The following SORCS2 variants were observed in gnomAD, a reference collection of about 807,000 sequenced individuals.
The protein encoded by SORCS2 is VPS10 domain-containing receptor SorCS2.
SORCS2 carries 100 observed loss-of-function variants against 141.6 expected under a neutral mutation model. The ratio of observed to expected loss-of-function variants is 0.71; its 90% CI spans 0.60 to 0.83. The LOEUF (loss-of-function observed/expected upper bound fraction) is 0.83. Among genes scored for constraint, SORCS2 ranks in the 40% least tolerant of loss-of-function variants. The pLI is 0.00. For missense variants in SORCS2, 1,646 were observed against 1,560.2 expected (o/e 1.05, Z -0.93); for synonymous variants, 789 against 676.9 (o/e 1.17, Z -2.57).
chr4:7,627,705 C>G (rs1719605750), intron 3 of SORCS2, among the ~76,000 whole-genome samples: 1 of 152,152 alleles, frequency 6.6e-6, no homozygotes, highest in South Asian at 2.1e-4. Flanking sequence ...AGTCTTAAGA[C>G]CTTGGGCAGG....
intron 8 of SORCS2, among the ~76,000 whole-genome samples, 182 bp from the exon 9 acceptor site, chr4:7,675,868 G>A (rs974011518): frequency 1.3e-5 from 2 of 152,182 alleles, no homozygotes; most frequent in Admixed American, 6.5e-5. Flanking sequence ...CCAAGGAGGT[G>A]AGGAGACTTG....
At chr4:7,296,957 TCCTTCC>T (rs1717107940) in intron 1 of SORCS2, among the ~76,000 whole-genome samples, 1 of 152,146 alleles carries the variant, frequency 6.6e-6, no homozygotes, top group African/African-American at 2.4e-5. Flanking sequence ...AGCTTCGTGC[TCCTTCC>T]CCCTCCCCAG....
intron 2 of SORCS2, among the ~76,000 whole-genome samples, chr4:7,467,961 G>A (rs1729724192): frequency 6.6e-6 from 1 of 152,206 alleles, no homozygotes; most frequent in Non-Finnish European, 1.5e-5. Context: ...CTGCCCAAGG[G>A]GCTGGCTCTG....
intron 14 of SORCS2, among the ~76,000 whole-genome samples, chr4:7,705,760 C>T (rs1024287234): frequency 1.3e-5 from 2 of 152,376 alleles, no homozygotes; most frequent in African/African-American, 4.8e-5. Flanking sequence ...TTCACACCCT[C>T]GACCCTGAGT....
intron 3 of SORCS2, among the ~76,000 whole-genome samples, chr4:7,628,858 G>A (rs554213031): frequency 1.3e-5 from 2 of 152,246 alleles, no homozygotes; most frequent in East Asian, 3.9e-4. Flanking sequence ...GGCTCACAAG[G>A]GAAATTTTAT....
chr4:7,583,299 G>A (rs1038714225), intron 3 of SORCS2, among the ~76,000 whole-genome samples: 1 of 152,258 alleles, frequency 6.6e-6, no homozygotes, highest in South Asian at 2.1e-4. Context: ...GAGGGAAGAT[G>A]TCACTGATGG....
intron 3 of SORCS2, among the ~76,000 whole-genome samples, chr4:7,581,437 A>G (rs564834191): frequency 2.8e-4 from 42 of 152,328 alleles, no homozygotes; most frequent in Non-Finnish European, 5.9e-4. Context: ...TAAAATAAAA[A>G]GTCCATGGCC....
intron 1 of SORCS2, among the ~76,000 whole-genome samples, chr4:7,209,679 G>GT (rs761057862): frequency 0.18 from 26,836 of 146,818 alleles, 2,354 homozygotes; most frequent in Middle Eastern, 0.29. Flanking sequence ...CTTCCAATCT[G>GT]TTTTTTTTTT....
chr4:7,510,511 T>TGGGCAGTGCAGCCAGGGAG (rs556399626), intron 2 of SORCS2, among the ~76,000 whole-genome samples: 178 of 152,356 alleles, frequency 1.2e-3, no homozygotes, highest in Non-Finnish European at 2.0e-3. Context: ...ACAGCGGCCA[T>TGGGCAGTGCAGCCAGGGAG]GGGCAGTGCA....
chr4:7,637,924 C>A (rs1243882711), intron 3 of SORCS2, among the ~76,000 whole-genome samples: 1 of 152,190 alleles, frequency 6.6e-6, no homozygotes, highest in Non-Finnish European at 1.5e-5. Flanking sequence ...TTTCTGGGCA[C>A]CCCTCCCTGG....
intron 2 of SORCS2, among the ~76,000 whole-genome samples, chr4:7,472,896 G>T (rs1730063875): frequency 6.7e-6 from 1 of 149,756 alleles, no homozygotes; most frequent in Non-Finnish European, 1.5e-5. Context: ...AGCCTGAGTG[G>T]ATGGGGCCAA....
chr4:7,409,312 A>G (rs1345978921), intron 2 of SORCS2, among the ~76,000 whole-genome samples: 1 of 152,082 alleles, frequency 6.6e-6, no homozygotes, highest in East Asian at 1.9e-4. Flanking sequence ...TGCCTTTCCC[A>G]AATAGGGGAG....
At chr4:7,515,708 A>C (rs761100209) in intron 2 of SORCS2, among the ~76,000 whole-genome samples, 3 of 152,044 alleles carry the variant, frequency 2.0e-5, no homozygotes, top group Non-Finnish European at 4.4e-5. Flanking sequence ...TGCTGCATGC[A>C]AGGTGGGGGT....
At chr4:7,715,676 C>A (rs1464409726) in intron 17 of SORCS2, among the ~76,000 whole-genome samples, 1 of 152,240 alleles carries the variant, frequency 6.6e-6, no homozygotes, top group Admixed American at 6.5e-5. Flanking sequence ...TGCAGCACGT[C>A]TTCCCCTGGT....
At chr4:7,516,630 A>G (rs1733001275) in intron 2 of SORCS2, among the ~76,000 whole-genome samples, 2 of 152,164 alleles carry the variant, frequency 1.3e-5, no homozygotes, top group Middle Eastern at 3.2e-3. Flanking sequence ...TATGCAGGAC[A>G]GGCGTCGGGG....
chr4:7,573,102 C>T (rs900834874), intron 3 of SORCS2, among the ~76,000 whole-genome samples: 1 of 152,164 alleles, frequency 6.6e-6, no homozygotes, highest in African/African-American at 2.4e-5. Context: ...GACATGAGAA[C>T]AGCCTGCCTT....
intron 1 of SORCS2, among the ~76,000 whole-genome samples, chr4:7,292,417 G>A (rs1716674772): frequency 6.6e-6 from 1 of 152,236 alleles, no homozygotes; most frequent in South Asian, 2.1e-4. Flanking sequence ...GATCTGATCC[G>A]GGCACTGGAT....
intron 2 of SORCS2, among the ~76,000 whole-genome samples, chr4:7,527,082 C>T (rs968744233): frequency 6.6e-6 from 1 of 152,196 alleles, no homozygotes; most frequent in South Asian, 2.1e-4. Context: ...GCGGGTCCAG[C>T]CCTCTCTGTG....
At chr4:7,726,998 T>G in intron 21 of SORCS2, 95 bp downstream of exon 21, 14 of 1,367,098 alleles carry the variant, frequency 1.0e-5, no homozygotes, top group East Asian at 2.8e-5. Context: ...ATGGATGTCC[T>G]GGTCACCCTG....
Sources: gnomAD v4.1 joint callset for allele counts (sites outside exome capture counted in the v4.1 genomes callset) on GRCh38, gnomAD v4.1.1 for gene constraint, MANE v1.5 for transcripts, NCBI Gene and HGNC (gene_info 2026-07-23, HGNC 2026-07-21) for gene names.